The following SHANK2 variants were observed in gnomAD, a reference collection of about 807,000 sequenced individuals.
SHANK2 encodes the protein SH3 and multiple ankyrin repeat domains protein 2.
In SHANK2, 43 loss-of-function variants were observed where a neutral mutation model predicts 133.7. That is an observed-to-expected ratio of 0.32 (90% CI 0.25 to 0.41). SHANK2 has a LOEUF of 0.41. Ranked by LOEUF, SHANK2 falls within the 10% of genes least tolerant of loss-of-function variation. SHANK2 has a pLI of 1.00. For missense variants in SHANK2, 1,994 were observed against 2,235.8 expected (o/e 0.89, Z 2.18); for synonymous variants, 1,017 against 952.8 (o/e 1.07, Z -1.24).
At chr11:70,806,930 C>T in intron 13 of SHANK2, 72 bp downstream of exon 13, 1 of 664,070 alleles carries the variant, frequency 1.5e-6, no homozygotes, top group South Asian at 1.7e-5. Flanking sequence ...GACATCGTCC[C>T]CACAGCAGGC....
chr11:70,602,945 C>A (rs1274636851), intron 17 of SHANK2, among the ~76,000 whole-genome samples: 5 of 152,222 alleles, frequency 3.3e-5, no homozygotes, highest in Non-Finnish European at 5.9e-5. Flanking sequence ...ACGAGACACA[C>A]ACACCGGGGA....
intron 1 of SHANK2, among the ~76,000 whole-genome samples, chr11:71,229,541 T>C (rs1954701508): frequency 6.6e-6 from 1 of 151,596 alleles, no homozygotes; most frequent in Non-Finnish European, 1.5e-5. Context: ...GAGGCCGAGG[T>C]GGGTGGATCA....
intron 11 of SHANK2, among the ~76,000 whole-genome samples, chr11:70,861,919 A>G (rs1339045631): frequency 6.6e-6 from 1 of 152,172 alleles, no homozygotes; most frequent in Non-Finnish European, 1.5e-5. Flanking sequence ...GCAGAGCCCA[A>G]TTTGGATAGG....
chr11:70,931,945 A>G (rs1242760723), intron 10 of SHANK2, among the ~76,000 whole-genome samples: 7 of 152,246 alleles, frequency 4.6e-5, no homozygotes, highest in African/African-American at 1.7e-4. Context: ...CGAAATTAGC[A>G]TAACAAATAT....
chr11:70,556,476 T>G (rs2059832296), intron 17 of SHANK2, among the ~76,000 whole-genome samples: 1 of 151,664 alleles, frequency 6.6e-6, no homozygotes, highest in Non-Finnish European at 1.5e-5. Flanking sequence ...GTTGCCAGGA[T>G]GCAGGCACAG....
chr11:71,173,714 A>C (rs1343057300), intron 2 of SHANK2, among the ~76,000 whole-genome samples: 1 of 152,228 alleles, frequency 6.6e-6, no homozygotes, highest in African/African-American at 2.4e-5. Context: ...GAATATTTGC[A>C]GATGTAATTA....
chr11:70,643,777 C>T (rs1032474460), intron 17 of SHANK2, among the ~76,000 whole-genome samples: 1 of 152,044 alleles, frequency 6.6e-6, no homozygotes, highest in African/African-American at 2.4e-5. Flanking sequence ...TGTAGGTGAG[C>T]AAGAAAGACA....
chr11:70,750,455 T>G (rs1399281487), intron 14 of SHANK2, among the ~76,000 whole-genome samples: 1 of 152,220 alleles, frequency 6.6e-6, no homozygotes, highest in Non-Finnish European at 1.5e-5. Context: ...GAATCCCCAT[T>G]GCTTTTGGCC....
chr11:70,702,611 T>A (rs1357158961), intron 14 of SHANK2, among the ~76,000 whole-genome samples: 3 of 152,254 alleles, frequency 2.0e-5, no homozygotes, highest in Admixed American at 2.0e-4. Flanking sequence ...ATTGCCATTA[T>A]CACTGTAATC....
rs554224518 is a variant in SHANK2, at chr11:70,485,539, G to A, written c.4754C>T (p.Pro1585Leu). 1.1e-5 allele frequency: 17 copies of A among 1,612,868 alleles called. No homozygotes were observed. The highest frequency in any genetic ancestry group is 5.3e-5 in the African/African-American group (4 of 75,002). ...FVIPPPAPPP[P>L]PGSAQPGMAK... ...CATCCCAGGCTGGGCACTGCCCGGC[G>A]GGGGCGGGGGAGCGGGCGGGGGGAT... Residue 1585 changes from proline to leucine, a missense_variant, in exon 25 of 26, where the codon CCG becomes CTG. By Grantham distance (98) the Pro-to-Leu change is moderately conservative. Around this residue, in one of 5 missense-constraint regions of SHANK2, gnomAD observed 797 missense variants for 907.4 expected, o/e 0.88. Transcript: ENST00000601538. The surrounding 1 kb of genome is among the most constrained non-coding windows in gnomAD (Gnocchi z 5.8).
At chr11:70,659,630 A>C (rs1025332635) in intron 17 of SHANK2, among the ~76,000 whole-genome samples, 198 bp downstream of exon 17, 1 of 152,180 alleles carries the variant, frequency 6.6e-6, no homozygotes, top group African/African-American at 2.4e-5. Context: ...GTTACGGCCA[A>C]GGCCTCCAAG....
intron 3 of SHANK2, among the ~76,000 whole-genome samples, chr11:71,133,194 ATGGGTGGCTGGGTAGG>A (rs201232411): frequency 2.8e-5 from 4 of 140,510 alleles, no homozygotes; most frequent in Non-Finnish European, 4.5e-5. Context: ...GGATGCATGG[ATGGGTGGCTGGGTAGG>A]TGGGTGGCTG....
chr11:70,619,438 G>A (rs1554996988), intron 17 of SHANK2, among the ~76,000 whole-genome samples: 1 of 152,116 alleles, frequency 6.6e-6, no homozygotes, highest in Non-Finnish European at 1.5e-5. Flanking sequence ...TCCCCTGCAT[G>A]CATCAAATCT....
chr11:71,188,057 G>C lies in SHANK2; in HGVS notation c.-13+36640C>G, dbSNP rs782081741. Among the ~76,000 whole-genome samples the C allele has an allele frequency of 5.3e-5, 8 of 152,126 alleles. No individual in the cohort carries two copies. Among genetic ancestry groups the C allele is most frequent in the Admixed American group, 2.0e-4 (3 of 15,272 alleles). On this transcript the variant is annotated intron_variant, in intron 2 of 25. Transcript: ENST00000601538. This position sits in a 1 kb window ranked among gnomAD's most constrained non-coding sequence, Gnocchi z 4.6. ...AAACTGAGGTAGGCTAACCTGGCGG[G>C]TCAAAGGTCAGACCCCACACAGTCC...
intron 3 of SHANK2, among the ~76,000 whole-genome samples, chr11:71,145,800 CTG>C (rs1309189589): frequency 1.5e-5 from 1 of 68,270 alleles, no homozygotes; most frequent in African/African-American, 7.3e-5. Context: ...GGCCGGGAGA[CTG>C]TACTCATAGA....
chr11:70,547,924 C>T (rs2059715544), intron 17 of SHANK2, among the ~76,000 whole-genome samples: 1 of 152,234 alleles, frequency 6.6e-6, no homozygotes, highest in African/African-American at 2.4e-5. Context: ...AGCTTGTTAT[C>T]AGCTCACTGA....
chr11:70,599,909 A>AAGAAAG (rs1381130108), intron 17 of SHANK2, among the ~76,000 whole-genome samples: 3,374 of 36,900 alleles, frequency 0.091, 96 homozygotes, highest in Non-Finnish European at 0.12. Flanking sequence ...AAGAAAGAGA[A>AAGAAAG]AGAAAGAAAG....
At chr11:71,232,497 C>G (rs1591042154) in intron 1 of SHANK2, among the ~76,000 whole-genome samples, 1 of 152,240 alleles carries the variant, frequency 6.6e-6, no homozygotes, top group East Asian at 1.9e-4. Flanking sequence ...CCTCTGCCGC[C>G]TCTGAGAAGG....
At chr11:70,524,377 A>C (rs1416031405) in intron 17 of SHANK2, among the ~76,000 whole-genome samples, 1 of 152,204 alleles carries the variant, frequency 6.6e-6, no homozygotes, top group African/African-American at 2.4e-5. Flanking sequence ...TCTTCAACTT[A>C]ATCTGGTGGT....
Sources: allele counts gnomAD v4.1 joint callset (sites outside exome capture counted in the v4.1 genomes callset), GRCh38; gene constraint gnomAD v4.1.1; regional missense constraint gnomAD v4.1.1; non-coding constraint Gnocchi (gnomAD v3.1); transcripts MANE v1.5; gene names NCBI Gene and HGNC (gene_info 2026-07-23, HGNC 2026-07-21).